CFAP210: variants seen among roughly 807,000 people sequenced by gnomAD.
CFAP210 encodes the protein cilia and flagella associated protein 210, also known as cilia- and flagella- associated protein 210.
the CFAP210 span, among the ~76,000 whole-genome samples, chr2:169,667,566 A>G: frequency 6.6e-6 from 1 of 152,256 alleles, no homozygotes; most frequent in African/African-American, 2.4e-5. Flanking sequence ...TTTCTTTAAC[A>G]GTAAGACTTG....
the CFAP210 span, among the ~76,000 whole-genome samples, chr2:169,673,234 A>T: frequency 6.6e-6 from 1 of 152,222 alleles, no homozygotes; most frequent in Non-Finnish European, 1.5e-5. Flanking sequence ...TGGCCCAAAC[A>T]CAGCCCAGAT....
the CFAP210 span, among the ~76,000 whole-genome samples, chr2:169,677,364 CA>C: frequency 6.6e-6 from 1 of 152,050 alleles, no homozygotes; most frequent in Non-Finnish European, 1.5e-5. Context: ...ACATTAAGAC[CA>C]ATGGGGTTTT....
At chr2:169,650,492 T>C in the CFAP210 span, 17 of 1,580,574 alleles carry the variant, frequency 1.1e-5, no homozygotes, top group Non-Finnish European at 1.2e-5. Flanking sequence ...CAGGAAGTTA[T>C]GTATTCTTTC....
chr2:169,663,455 CCTCCCAAA>C, the CFAP210 span, among the ~76,000 whole-genome samples: 1 of 152,150 alleles, frequency 6.6e-6, no homozygotes, highest in Non-Finnish European at 1.5e-5. Flanking sequence ...CCCGCCTAAG[CCTCCCAAA>C]GTGTTGGGAT....
At chr2:169,681,502 T>C in the CFAP210 span, among the ~76,000 whole-genome samples, 1 of 152,228 alleles carries the variant, frequency 6.6e-6, no homozygotes, top group African/African-American at 2.4e-5. Flanking sequence ...AGTATCCTCA[T>C]CTTTAAAATA....
the CFAP210 span, among the ~76,000 whole-genome samples, chr2:169,677,261 A>G: frequency 3.4e-4 from 51 of 152,232 alleles, no homozygotes; most frequent in African/African-American, 1.2e-3. Flanking sequence ...CTAGATAAAG[A>G]TATTTCAAGA....
chr2:169,651,296 G>A, the CFAP210 span, among the ~76,000 whole-genome samples: 5 of 151,756 alleles, frequency 3.3e-5, no homozygotes, highest in Non-Finnish European at 7.4e-5. Context: ...TCAGGAGGCT[G>A]AGGCAGGAGG....
the CFAP210 span, chr2:169,645,830 A>G: frequency 5.1e-6 from 8 of 1,564,310 alleles, no homozygotes; most frequent in East Asian, 4.5e-5. Flanking sequence ...AATGTTAAAA[A>G]TAATTTTTTT....
chr2:169,646,188 T>G, the CFAP210 span: 1 of 1,592,638 alleles, frequency 6.3e-7, no homozygotes, highest in Non-Finnish European at 8.6e-7. Flanking sequence ...TTGGCCTATT[T>G]GGGAAAGAAA....
the CFAP210 span, among the ~76,000 whole-genome samples, chr2:169,653,537 T>C: frequency 6.6e-6 from 1 of 152,092 alleles, no homozygotes; most frequent in Admixed American, 6.6e-5. Flanking sequence ...CTACACCCCA[T>C]ACCAAACTGC....
the CFAP210 span, chr2:169,660,935 A>G: frequency 6.5e-6 from 3 of 461,422 alleles, no homozygotes; most frequent in South Asian, 3.3e-5. Flanking sequence ...ATACAACTCA[A>G]TGTTCTTCTA....
the CFAP210 span, among the ~76,000 whole-genome samples, chr2:169,671,092 C>T: frequency 4.5e-4 from 69 of 152,266 alleles, 1 homozygote; most frequent in African/African-American, 1.6e-3. Flanking sequence ...TTTTGGCAGG[C>T]CTTAAGGCAC....
chr2:169,665,150 C>T, the CFAP210 span, among the ~76,000 whole-genome samples: 1 of 152,124 alleles, frequency 6.6e-6, no homozygotes, highest in African/African-American at 2.4e-5. Flanking sequence ...AGGAGAGTTC[C>T]AGGAGCCTTC....
At chr2:169,685,097 T>C in the CFAP210 span, among the ~76,000 whole-genome samples, 23 of 152,398 alleles carry the variant, frequency 1.5e-4, no homozygotes, top group African/African-American at 5.3e-4. Context: ...TTCACAGGTT[T>C]CTGTGTGGAC....
At chr2:169,664,026 T>TAA in the CFAP210 span, among the ~76,000 whole-genome samples, 50 of 102,010 alleles carry the variant, frequency 4.9e-4, no homozygotes, top group Admixed American at 1.2e-3. Flanking sequence ...CCAACTCTAC[T>TAA]AAAAAAAAAA....
the CFAP210 span, among the ~76,000 whole-genome samples, chr2:169,653,530 C>T: frequency 2.0e-5 from 3 of 152,092 alleles, no homozygotes; most frequent in Non-Finnish European, 2.9e-5. Flanking sequence ...CTTACCTCTA[C>T]ACCCCATACC....
At chr2:169,676,907 G>C in the CFAP210 span, among the ~76,000 whole-genome samples, 1 of 152,154 alleles carries the variant, frequency 6.6e-6, no homozygotes, top group African/African-American at 2.4e-5. Flanking sequence ...AAACAATGGA[G>C]GAAAGTAGGG....
At chr2:169,661,206 A>G in the CFAP210 span, 9 of 575,562 alleles carry the variant, frequency 1.6e-5, no homozygotes, top group Non-Finnish European at 2.7e-5. Flanking sequence ...GCAACTTCTC[A>G]TCTGCTGGCT....
chr2:169,649,572 T>C, the CFAP210 span, among the ~76,000 whole-genome samples: 1 of 152,124 alleles, frequency 6.6e-6, no homozygotes, highest in Non-Finnish European at 1.5e-5. Context: ...ACAATCCTTA[T>C]TGGCTTGAAA....
Sources: allele counts gnomAD v4.1 joint callset (sites outside exome capture counted in the v4.1 genomes callset), GRCh38; gene constraint gnomAD v4.1.1; transcripts MANE v1.5; gene names NCBI Gene and HGNC (gene_info 2026-07-23, HGNC 2026-07-21).